The following FAM220A variants were observed in gnomAD, a reference collection of about 807,000 sequenced individuals.
FAM220A encodes the protein protein FAM220A.
For missense variants in FAM220A, 392 were observed against 321.6 expected, an observed-to-expected ratio of 1.22 and a Z score of -1.68; for synonymous variants, 141 against 130.7, an observed-to-expected ratio of 1.08 and a Z score of -0.54.
Position 6,330,970 on chromosome 7 carries a change from G to A in FAM220A, c.185C>T (p.Ser62Leu), listed in dbSNP as rs779799309. The A allele has an allele frequency of 1.2e-6, 2 of 1,614,240 alleles. No individual in the cohort carries two copies. Among genetic ancestry groups the A allele is most frequent in the Non-Finnish European group, 1.7e-6 (2 of 1,180,056 alleles). The change falls in exon 2 of 2, where the codon TCA becomes TTA. Residue 62 changes from serine (S) to leucine (L), a missense_variant. Ser to Leu is a moderately radical substitution (Grantham distance 145). Coordinates refer to ENST00000313324, the MANE Select transcript of FAM220A (RefSeq NM_001037163.2). ...GCTCGGATCCTTTCTCATTTCCAGT[G>A]ATAATGCCTCACTTTGTGAATTTCC... ...VDGNSQSEAL[S>L]LEMRKDPSGA...
intron 1 of FAM220A, among the ~76,000 whole-genome samples, chr7:6,336,751 G>T (rs1243045786): frequency 6.7e-6 from 1 of 150,110 alleles, no homozygotes; most frequent in African/African-American, 2.4e-5. Flanking sequence ...CTTCCTCAAG[G>T]TTGGGTCATC....
intron 1 of FAM220A, among the ~76,000 whole-genome samples, chr7:6,345,801 C>T (rs185493479): frequency 2.6e-5 from 4 of 152,140 alleles, no homozygotes; most frequent in Admixed American, 1.3e-4. Flanking sequence ...CAGAGTCTCG[C>T]TGTGTTTCCC....
chr7:6,338,969 G>C (rs1343027541), intron 1 of FAM220A, among the ~76,000 whole-genome samples: 1 of 152,202 alleles, frequency 6.6e-6, no homozygotes, highest in East Asian at 1.9e-4. Context: ...CCCCTCAGGT[G>C]TGAACGCTAG....
intron 1 of FAM220A, among the ~76,000 whole-genome samples, chr7:6,341,398 C>T (rs1256670112): frequency 8.8e-5 from 13 of 148,038 alleles, no homozygotes; most frequent in African/African-American, 2.5e-4. Flanking sequence ...GCGGAGATCG[C>T]GCCACTGTAC....
Position 6,330,859 on chromosome 7 carries a change from G to C in FAM220A, c.296C>G (p.Thr99Ser). 6.2e-7 allele frequency: 1 copy of C among 1,614,216 alleles called. No individual in the cohort carries two copies. Among genetic ancestry groups the C allele is most frequent in the South Asian group, 1.1e-5 (1 of 91,090 alleles). Residue 99 changes from threonine to serine, a missense_variant, in exon 2 of 2, where the codon ACT (threonine) becomes AGT (serine). Physicochemically the swap from Thr to Ser is moderately conservative, Grantham distance 58. Transcript: ENST00000313324. ...GAACAAACCCACGGCTGTGCTCGGA[G>C]TGGCTGCTGAGGCTGGATTTCTTCT... ...SVRRNPASAA[T>S]PSTAVGLFPA...
chr7:6,333,677 T>TC (rs1781684646), intron 1 of FAM220A, among the ~76,000 whole-genome samples: 1 of 151,482 alleles, frequency 6.6e-6, no homozygotes, highest in Admixed American at 6.6e-5. Flanking sequence ...TTTTTTTTTT[T>TC]CAGAGCAGGA....
intron 1 of FAM220A, among the ~76,000 whole-genome samples, chr7:6,341,716 C>T (rs774495982): frequency 9.1e-4 from 136 of 149,832 alleles, no homozygotes; most frequent in Admixed American, 1.9e-3. Flanking sequence ...TATGAGTGCG[C>T]GCCAGGTGCA....
intron 1 of FAM220A, among the ~76,000 whole-genome samples, chr7:6,342,840 C>T (rs567832412): frequency 6.6e-6 from 1 of 151,630 alleles, no homozygotes; most frequent in East Asian, 2.0e-4. Context: ...AGTTCGAGAC[C>T]ACCCTGGGCA....
At chr7:6,347,285 C>T (rs901918926) in intron 1 of FAM220A, among the ~76,000 whole-genome samples, 10 of 152,116 alleles carry the variant, frequency 6.6e-5, no homozygotes, top group African/African-American at 9.6e-5. Context: ...GAGGTCGAGG[C>T]GGGCAGATCA....
chr7:6,337,716 T>C (rs1023957560), intron 1 of FAM220A, among the ~76,000 whole-genome samples: 5 of 151,774 alleles, frequency 3.3e-5, no homozygotes, highest in African/African-American at 1.2e-4. Flanking sequence ...ATAGAATAAA[T>C]TGTCCCCTGA....
chr7:6,336,155 A>G (rs925817402), intron 1 of FAM220A, among the ~76,000 whole-genome samples: 1 of 145,522 alleles, frequency 6.9e-6, no homozygotes, highest in Non-Finnish European at 1.5e-5. Flanking sequence ...CCTGGGCAAC[A>G]GAGTGAGATT....
chr7:6,330,160 T>C lies in FAM220A; in HGVS notation c.*215A>G. 4 of 570,984 alleles carry C rather than the reference T, an allele frequency of 7.0e-6. No homozygotes were observed. Among genetic ancestry groups the C allele is most frequent in the South Asian group, 4.6e-5 (2 of 43,728 alleles). The allele number at this position is 570,984 out of a possible 1,614,324, so 35.4% of individuals were successfully genotyped here. On this transcript the variant is annotated 3_prime_UTR_variant, in exon 2 of 2. Coordinates refer to ENST00000313324, the MANE Select transcript of FAM220A (RefSeq NM_001037163.2). ...TCCTGAAATGTTTCCCAATTCTTTA[T>C]ATGTCTTTTAAAGCACAATTTAACA...
Position 6,331,131 on chromosome 7 carries a change from G to C in FAM220A, c.24C>G (p.Leu8=), listed in dbSNP as rs777509623. The change falls in exon 2 of 2, where the codon CTC becomes CTG. Residue 8 remains leucine, a synonymous_variant. Coordinates refer to ENST00000313324, the MANE Select transcript of FAM220A (RefSeq NM_001037163.2). MRDRRGP[L]GTCLAQVQQA... ...GCTGCACTTGTGCCAGGCAGGTGCC[G>C]AGGGGCCCTCTTCTGTCCCTCATGC... is the stretch of plus-strand genomic sequence containing the variant. The C allele has an allele frequency of 1.2e-6, 2 of 1,612,946 alleles. No individual in the cohort carries two copies. Among genetic ancestry groups the C allele is most frequent in the Non-Finnish European group, 1.7e-6 (2 of 1,179,802 alleles).
At chr7:6,338,947 G>A (rs1781798316) in intron 1 of FAM220A, among the ~76,000 whole-genome samples, 1 of 152,144 alleles carries the variant, frequency 6.6e-6, no homozygotes, top group East Asian at 1.9e-4. Flanking sequence ...TCCCAGATGG[G>A]CCAGCTCCAC....
At chr7:6,332,407 C>T (rs6962646) in intron 1 of FAM220A, among the ~76,000 whole-genome samples, 58,336 of 152,074 alleles carry the variant, frequency 0.38, 14,528 homozygotes, top group African/African-American at 0.7. Flanking sequence ...TATCTGTAAA[C>T]TCACTTTTGA....
chr7:6,331,790 G>C (rs1354626164), intron 1 of FAM220A, among the ~76,000 whole-genome samples: 2 of 148,336 alleles, frequency 1.3e-5, no homozygotes, highest in Non-Finnish European at 3.0e-5. Context: ...GCCTAGGCTG[G>C]AGTGCAATGG....
chr7:6,338,332 G>A (rs1781785732), intron 1 of FAM220A, among the ~76,000 whole-genome samples: 1 of 152,010 alleles, frequency 6.6e-6, no homozygotes, highest in Non-Finnish European at 1.5e-5. Context: ...TACAAAATCA[G>A]CTCTTTTTGG....
At chr7:6,333,743 T>C (rs1485924665) in intron 1 of FAM220A, among the ~76,000 whole-genome samples, 2 of 150,000 alleles carry the variant, frequency 1.3e-5, no homozygotes, top group Non-Finnish European at 2.9e-5. Flanking sequence ...TTCGAAGAGA[T>C]CCAAGTAGGT....
intron 1 of FAM220A, among the ~76,000 whole-genome samples, chr7:6,337,953 G>C (rs1199521492): frequency 6.6e-6 from 1 of 151,672 alleles, no homozygotes; most frequent in East Asian, 1.9e-4. Context: ...ACAGGCACCA[G>C]CTGCCACGCC....
Sources: gnomAD v4.1 joint callset for allele counts (sites outside exome capture counted in the v4.1 genomes callset) on GRCh38, gnomAD v4.1.1 for gene constraint, MANE v1.5 for transcripts, NCBI Gene and HGNC (gene_info 2026-07-23, HGNC 2026-07-21) for gene names.